Variants in EFCAB11 observed in about 807,000 individuals in gnomAD.
EFCAB11 encodes EF-hand calcium binding domain 11, also known as EF-hand calcium-binding domain-containing protein 11.
Under a neutral mutation model 23.0 loss-of-function variants are expected in EFCAB11, and 14 were observed. The ratio of observed to expected loss-of-function variants is 0.61; its 90% CI spans 0.40 to 0.95. EFCAB11 has a LOEUF of 0.95. Among genes scored for constraint, EFCAB11 ranks in the 40% least tolerant of loss-of-function variants. EFCAB11 has a pLI of 0.00. For missense variants in EFCAB11, 198 were observed against 195.8 expected, an observed-to-expected ratio of 1.01 and a Z score of -0.07; for synonymous variants, 65 against 66.6, an observed-to-expected ratio of 0.98 and a Z score of 0.11.
At chr14:89,891,820 A>C (rs1888975723) in intron 5 of EFCAB11, among the ~76,000 whole-genome samples, 1 of 151,984 alleles carries the variant, frequency 6.6e-6, no homozygotes, top group Non-Finnish European at 1.5e-5. Flanking sequence ...GCCGCTACCA[A>C]TTTCGGGTCG....
chr14:89,935,802 A>C (rs1382585489), intron 3 of EFCAB11, among the ~76,000 whole-genome samples: 1 of 152,192 alleles, frequency 6.6e-6, no homozygotes, highest in Non-Finnish European at 1.5e-5. Flanking sequence ...TGAGGTCAGG[A>C]GTTTGAGATC....
chr14:89,909,571 ACT>A (rs1398682260), intron 5 of EFCAB11, among the ~76,000 whole-genome samples: 1 of 152,084 alleles, frequency 6.6e-6, no homozygotes, highest in African/African-American at 2.4e-5. Flanking sequence ...ACAGGGCAAG[ACT>A]CTGTCTCAAA....
chr14:89,840,754 C>T (rs920253634), intron 5 of EFCAB11, among the ~76,000 whole-genome samples: 5 of 152,010 alleles, frequency 3.3e-5, no homozygotes, highest in East Asian at 1.9e-4. Flanking sequence ...ATGGCAGCGG[C>T]GTAACTGAAG....
intron 5 of EFCAB11, among the ~76,000 whole-genome samples, chr14:89,863,660 C>CA (rs1373761235): frequency 4.6e-5 from 7 of 152,258 alleles, no homozygotes; most frequent in Non-Finnish European, 1.0e-4. Context: ...GTATCCCCAG[C>CA]AATGGGGATG....
intron 5 of EFCAB11, among the ~76,000 whole-genome samples, chr14:89,849,606 G>GT (rs55668769): frequency 0.12 from 15,130 of 123,174 alleles, 1,884 homozygotes; most frequent in African/African-American, 0.26. Flanking sequence ...AAGGAAATCT[G>GT]TTTTTTTTTT....
At chr14:89,890,455 A>C (rs946208419) in intron 5 of EFCAB11, among the ~76,000 whole-genome samples, 1 of 152,350 alleles carries the variant, frequency 6.6e-6, no homozygotes, top group South Asian at 2.1e-4. Flanking sequence ...ATCTCTTACA[A>C]ATAAGTGATA....
At chr14:89,802,536 C>T (rs951418266) in intron 5 of EFCAB11, among the ~76,000 whole-genome samples, 4 of 152,124 alleles carry the variant, frequency 2.6e-5, no homozygotes, top group Non-Finnish European at 5.9e-5. Context: ...GGATTACAGG[C>T]ATGCGCCACC....
At chr14:89,909,292 C>T (rs927362895) in intron 5 of EFCAB11, among the ~76,000 whole-genome samples, 3 of 152,184 alleles carry the variant, frequency 2.0e-5, no homozygotes, top group Non-Finnish European at 2.9e-5. Context: ...AGTCTGATCA[C>T]ATCGGCTGGG....
intron 5 of EFCAB11, among the ~76,000 whole-genome samples, chr14:89,922,965 C>T (rs945809258): frequency 2.0e-5 from 3 of 152,108 alleles, no homozygotes; most frequent in South Asian, 2.1e-4. Flanking sequence ...AATTTGTATC[C>T]GGATGGGTTT....
intron 5 of EFCAB11, among the ~76,000 whole-genome samples, chr14:89,858,732 T>C (rs1486717339): frequency 7.0e-6 from 1 of 143,370 alleles, no homozygotes; most frequent in Non-Finnish European, 1.5e-5. Context: ...ACTTCTGGGC[T>C]CAAGCGATCT....
intron 5 of EFCAB11, among the ~76,000 whole-genome samples, chr14:89,905,722 C>A (rs1889476902): frequency 6.6e-6 from 1 of 152,168 alleles, no homozygotes; most frequent in South Asian, 2.1e-4. Flanking sequence ...CAGAGAGTAG[C>A]CAGCCTTGAG....
intron 5 of EFCAB11, among the ~76,000 whole-genome samples, chr14:89,842,622 GATATGATATGAT>G (rs1424468647): frequency 6.6e-6 from 1 of 150,630 alleles, no homozygotes; most frequent in African/African-American, 2.5e-5. Flanking sequence ...GATATGATAT[GATATGATATGAT>G]ATGATATAAT....
chr14:89,859,145 T>C (rs1372881998), intron 5 of EFCAB11, among the ~76,000 whole-genome samples: 1 of 152,184 alleles, frequency 6.6e-6, no homozygotes, highest in African/African-American at 2.4e-5. Flanking sequence ...TAGATAACAA[T>C]GAGCTCTGAA....
intron 5 of EFCAB11, among the ~76,000 whole-genome samples, chr14:89,806,090 T>A (rs1351498222): frequency 6.6e-6 from 1 of 152,084 alleles, no homozygotes; most frequent in Non-Finnish European, 1.5e-5. Flanking sequence ...TAATATATAT[T>A]TTCCCTAACA....
At chr14:89,815,324 AT>A (rs1886298431) in intron 5 of EFCAB11, among the ~76,000 whole-genome samples, 1 of 152,100 alleles carries the variant, frequency 6.6e-6, no homozygotes, top group Admixed American at 6.5e-5. Context: ...CTTAGTTAGG[AT>A]TTCCCCCCAC....
chr14:89,849,419 C>T (rs927169982), intron 5 of EFCAB11, among the ~76,000 whole-genome samples: 1 of 152,130 alleles, frequency 6.6e-6, no homozygotes, highest in Non-Finnish European at 1.5e-5. Context: ...TGCTGGTTTT[C>T]AAAACGTAGA....
intron 5 of EFCAB11, among the ~76,000 whole-genome samples, chr14:89,909,199 C>T (rs904175430): frequency 3.5e-4 from 53 of 152,286 alleles, no homozygotes; most frequent in African/African-American, 1.2e-3. Flanking sequence ...GTTGGGAAAA[C>T]GGTCCCTAGG....
chr14:89,952,572 G>A (rs1891210137), intron 2 of EFCAB11: 1 of 985,426 alleles, frequency 1.0e-6, no homozygotes, highest in Non-Finnish European at 1.2e-6. Context: ...GCCCCTCATA[G>A]CTGAGCCACT....
intron 3 of EFCAB11, among the ~76,000 whole-genome samples, chr14:89,949,874 C>T (rs1474996605): frequency 6.6e-6 from 1 of 152,094 alleles, no homozygotes; most frequent in African/African-American, 2.4e-5. Flanking sequence ...AAAGAGAGAG[C>T]TTGTGCAGGG....
Sources: allele counts gnomAD v4.1 joint callset (sites outside exome capture counted in the v4.1 genomes callset), GRCh38; gene constraint gnomAD v4.1.1; transcripts MANE v1.5; gene names NCBI Gene and HGNC (gene_info 2026-07-23, HGNC 2026-07-21).